SCFD2: variants seen among roughly 807,000 people sequenced by gnomAD.
SCFD2 encodes sec1 family domain containing 2.
A neutral mutation model predicts 58.9 loss-of-function variants in SCFD2; 54 were observed. The ratio of observed to expected loss-of-function variants is 0.92; its 90% CI spans 0.74 to 1.15. The LOEUF (loss-of-function observed/expected upper bound fraction) is 1.15. Ranked by LOEUF, SCFD2 falls within the 50% of genes most tolerant of loss-of-function variation. The pLI, the probability that SCFD2 is intolerant of heterozygous loss-of-function variation, is 0.00. For synonymous variants in SCFD2, 321 were observed against 335.9 expected, an observed-to-expected ratio of 0.96 and a Z score of 0.49; for missense variants, 805 against 836.6, an observed-to-expected ratio of 0.96 and a Z score of 0.47.
intron 3 of SCFD2, among the ~76,000 whole-genome samples, chr4:53,300,112 T>G (rs1577946803): frequency 6.6e-6 from 1 of 152,132 alleles, no homozygotes; most frequent in South Asian, 2.1e-4. Context: ...TAACCTTAAA[T>G]GTAAATGGGC....
At chr4:53,128,006 C>A (rs1577753701) in intron 5 of SCFD2, among the ~76,000 whole-genome samples, 2 of 112,306 alleles carry the variant, frequency 1.8e-5, no homozygotes, top group East Asian at 2.6e-4. Context: ...AAGCAAAATA[C>A]TGATTTTTTT....
At chr4:53,158,255 T>C (rs1425288401) in intron 4 of SCFD2, among the ~76,000 whole-genome samples, 1 of 152,226 alleles carries the variant, frequency 6.6e-6, no homozygotes, top group Non-Finnish European at 1.5e-5. Context: ...TCACTTCTTT[T>C]GGTATAGCAC....
intron 5 of SCFD2, among the ~76,000 whole-genome samples, chr4:53,044,135 G>A (rs918958199): frequency 6.6e-6 from 1 of 152,110 alleles, no homozygotes; most frequent in African/African-American, 2.4e-5. Flanking sequence ...AAGATGGTGA[G>A]GGCACTAGGA....
chr4:53,027,739 G>A (rs1178675744), intron 5 of SCFD2, among the ~76,000 whole-genome samples: 1 of 151,678 alleles, frequency 6.6e-6, no homozygotes, highest in African/African-American at 2.4e-5. Flanking sequence ...GAGGTGGGAG[G>A]ATCGCTTGAG....
chr4:53,107,880 CT>C (rs1286999366), intron 5 of SCFD2, among the ~76,000 whole-genome samples: 2 of 152,128 alleles, frequency 1.3e-5, no homozygotes, highest in African/African-American at 4.8e-5. Flanking sequence ...GTGGACCTAA[CT>C]GACATCTACA....
chr4:53,046,451 G>A (rs1468393098), intron 5 of SCFD2, among the ~76,000 whole-genome samples: 1 of 152,012 alleles, frequency 6.6e-6, no homozygotes, highest in Non-Finnish European at 1.5e-5. Context: ...CTGAGCACAA[G>A]CAATCTATCT....
At chr4:53,085,894 G>A (rs1724289997) in intron 5 of SCFD2, among the ~76,000 whole-genome samples, 1 of 151,988 alleles carries the variant, frequency 6.6e-6, no homozygotes, top group Non-Finnish European at 1.5e-5. Flanking sequence ...AAATCAAAAT[G>A]GATTAAAGAC....
At chr4:52,921,994 G>A (rs147855378) in intron 5 of SCFD2, among the ~76,000 whole-genome samples, 1 of 152,210 alleles carries the variant, frequency 6.6e-6, no homozygotes, top group Non-Finnish European at 1.5e-5. Flanking sequence ...GAAGGATGAA[G>A]CACCCACTGC....
intron 3 of SCFD2, among the ~76,000 whole-genome samples, chr4:53,304,490 G>T (rs542955868): frequency 6.6e-6 from 1 of 151,788 alleles, no homozygotes; most frequent in South Asian, 2.1e-4. Flanking sequence ...TGCTCTTTTT[G>T]TATAGTGCCA....
intron 5 of SCFD2, among the ~76,000 whole-genome samples, chr4:52,938,346 A>C (rs1016255004): frequency 1.3e-5 from 2 of 152,208 alleles, no homozygotes; most frequent in African/African-American, 4.8e-5. Context: ...GTCTGAGCCC[A>C]GAGCCCAGAC....
chr4:53,225,150 A>T (rs769351998), intron 4 of SCFD2, among the ~76,000 whole-genome samples: 3 of 152,182 alleles, frequency 2.0e-5, no homozygotes, highest in Non-Finnish European at 4.4e-5. Context: ...TCTTAATCTG[A>T]AATGAAATTA....
intron 5 of SCFD2, among the ~76,000 whole-genome samples, chr4:53,111,482 T>G (rs1725171829): frequency 6.6e-6 from 1 of 152,166 alleles, no homozygotes; most frequent in African/African-American, 2.4e-5. Context: ...CGGTCATCTT[T>G]CAAGCAAAAT....
intron 7 of SCFD2, among the ~76,000 whole-genome samples, chr4:52,902,826 C>A (rs899751606): frequency 2.0e-5 from 3 of 152,148 alleles, no homozygotes; most frequent in Non-Finnish European, 2.9e-5. Context: ...TGGGTTCTAA[C>A]CAAGGTAGTG....
At chr4:53,119,367 G>T (rs1725414915) in intron 5 of SCFD2, among the ~76,000 whole-genome samples, 1 of 151,508 alleles carries the variant, frequency 6.6e-6, no homozygotes, top group Non-Finnish European at 1.5e-5. Context: ...TATGGTCCCA[G>T]CTACTTGGGA....
At chr4:52,882,090 A>AACC (rs1452593198) in intron 8 of SCFD2, among the ~76,000 whole-genome samples, 1 of 152,070 alleles carries the variant, frequency 6.6e-6, no homozygotes, top group Admixed American at 6.5e-5. Context: ...TTTGGTTCCA[A>AACC]TCAAGTGCGA....
chr4:52,945,269 G>A (rs574963461), intron 5 of SCFD2, among the ~76,000 whole-genome samples: 2 of 152,066 alleles, frequency 1.3e-5, no homozygotes, highest in Non-Finnish European at 2.9e-5. Context: ...TTTCATTCGA[G>A]ATCACATTCG....
At chr4:53,219,620 C>T (rs1352814453) in intron 4 of SCFD2, among the ~76,000 whole-genome samples, 5 of 152,116 alleles carry the variant, frequency 3.3e-5, no homozygotes, top group Non-Finnish European at 7.3e-5. Flanking sequence ...TCAGCTCACA[C>T]TCGGTGGGCT....
chr4:53,184,293 A>T (rs929580914), intron 4 of SCFD2, among the ~76,000 whole-genome samples: 2 of 152,138 alleles, frequency 1.3e-5, no homozygotes, highest in Non-Finnish European at 1.5e-5. Context: ...TGCCAATGGG[A>T]GGGTGGGAGA....
chr4:53,012,355 TTC>T (rs71195197), intron 5 of SCFD2, among the ~76,000 whole-genome samples: 3,624 of 145,848 alleles, frequency 0.025, 140 homozygotes, highest in African/African-American at 0.087. Flanking sequence ...CTCTCTCTCT[TTC>T]TCTCTCTCTC....
Sources: allele counts gnomAD v4.1 joint callset (sites outside exome capture counted in the v4.1 genomes callset), GRCh38; gene constraint gnomAD v4.1.1; transcripts MANE v1.5; gene names NCBI Gene and HGNC (gene_info 2026-07-23, HGNC 2026-07-21).